RPA1: variants seen among roughly 807,000 people sequenced by gnomAD.
RPA1 encodes the protein replication protein A 70 kDa DNA-binding subunit.
In RPA1, 49 loss-of-function variants were observed where a neutral mutation model predicts 83.0. That is an observed-to-expected ratio of 0.59 (90% CI 0.47 to 0.75). RPA1 has a LOEUF of 0.75. RPA1 is among the 30% of genes least tolerant of loss of function. The pLI is 0.00. For missense variants in RPA1, 693 were observed against 776.1 expected, an observed-to-expected ratio of 0.89 and a Z score of 1.27; for synonymous variants, 279 against 281.8, an observed-to-expected ratio of 0.99 and a Z score of 0.10.
chr17:1,842,199 A>T (rs1912075785), intron 1 of RPA1, among the ~76,000 whole-genome samples: 1 of 152,068 alleles, frequency 6.6e-6, no homozygotes, highest in Admixed American at 6.6e-5. Flanking sequence ...AACATCATAA[A>T]ATGACTTGGA....
intron 4 of RPA1, among the ~76,000 whole-genome samples, chr17:1,852,500 C>G (rs556879863): frequency 6.6e-6 from 1 of 152,152 alleles, no homozygotes; most frequent in Non-Finnish European, 1.5e-5. Context: ...GAGGGACTGT[C>G]CCATGTGGTG....
At chr17:1,864,312 G>A (rs1387957873) in intron 5 of RPA1, among the ~76,000 whole-genome samples, 4 of 152,196 alleles carry the variant, frequency 2.6e-5, no homozygotes, top group Non-Finnish European at 4.4e-5. Context: ...TGAGGTGGGC[G>A]AATCACCTGA....
At chr17:1,892,002 A>G in intron 15 of RPA1, 62 bp downstream of exon 15, 1 of 1,147,266 alleles carries the variant, frequency 8.7e-7, no homozygotes, top group South Asian at 1.6e-5. Flanking sequence ...TATAACACTG[A>G]CCCCACACAT....
At position 1,883,806 on chromosome 17, in the gene RPA1, T is replaced by G; in HGVS notation, c.1242-6T>G. 6.2e-7 allele frequency: 1 copy of G among 1,613,912 alleles called. No individual in the cohort carries two copies. Among genetic ancestry groups the G allele is most frequent in the South Asian group, 1.1e-5 (1 of 91,066 alleles). On this transcript the variant is annotated splice_polypyrimidine_tract_variant and splice_region_variant and intron_variant, in intron 12 of 16. Coordinates refer to ENST00000254719, the MANE Select transcript of RPA1 (RefSeq NM_002945.5). ...GCTCGTCATCGTTATTCGTTCACGTTTTCAGGTTTGACGCAGAAGGACAAG... is the reference window on the plus strand; with the variant it reads ...GCTCGTCATCGTTATTCGTTCACGTGTTCAGGTTTGACGCAGAAGGACAAG...
intron 1 of RPA1, among the ~76,000 whole-genome samples, chr17:1,836,782 C>A: frequency 6.6e-6 from 1 of 151,722 alleles, no homozygotes. Context: ...GCACCTCAGC[C>A]TCCTGAGTAG....
intron 4 of RPA1, among the ~76,000 whole-genome samples, chr17:1,852,377 C>G (rs1476224118): frequency 1.3e-5 from 2 of 152,174 alleles, no homozygotes; most frequent in Non-Finnish European, 1.5e-5. Context: ...AAGGAAGTGT[C>G]TCTTGAAGTG....
intron 1 of RPA1, among the ~76,000 whole-genome samples, chr17:1,840,566 G>A (rs914632333): frequency 6.6e-6 from 1 of 151,938 alleles, no homozygotes; most frequent in South Asian, 2.1e-4. Flanking sequence ...GATTACAGGC[G>A]TGAGCCACCA....
Position 1,898,602 on chromosome 17 carries a change from A to C in RPA1, c.*1427A>C, listed in dbSNP as rs1296364776. On this transcript the variant is annotated 3_prime_UTR_variant, in exon 17 of 17. Transcript: ENST00000254719. The stretch of plus-strand genomic sequence containing the variant: ...CGGAGGCTTTTGGATATGGGGAGTG[A>C]TGGTGTCCTGTCTGTCTCCCCCCTC... 1.3e-5 allele frequency: 2 copies of C among 152,118 alleles called. No homozygotes were observed. Among genetic ancestry groups the C allele is most frequent in the African/African-American group, 4.8e-5 (2 of 41,412 alleles). 9.4% of individuals were successfully genotyped at this position (152,118 alleles called of 1,614,324 possible). A position where few individuals can be genotyped will look rare whatever the true frequency, so the allele number is the denominator to read the frequency against.
intron 5 of RPA1, among the ~76,000 whole-genome samples, chr17:1,856,092 G>A (rs936347099): frequency 1.3e-5 from 2 of 152,068 alleles, no homozygotes; most frequent in African/African-American, 4.8e-5. Context: ...GGGAGAACGA[G>A]GCAAGCCGAT....
chr17:1,860,717 C>A (rs900530223), intron 5 of RPA1, among the ~76,000 whole-genome samples: 8 of 152,084 alleles, frequency 5.3e-5, no homozygotes, highest in African/African-American at 1.9e-4. Context: ...TCAGTTGATC[C>A]CGGCCTCTCC....
Position 1,879,623 on chromosome 17 carries a change from G to T in RPA1, c.1016G>T (p.Arg339Ile), listed in dbSNP as rs1262287245. ...ATKITVRSNN[R>I]EVAKRNIYLM... ...AAAATCACAGTGAGGTCTAACAACAGAGAAGTTGCCAAGAGGAATATCTAC... is the reference window on the plus strand; with the variant it reads ...AAAATCACAGTGAGGTCTAACAACATAGAAGTTGCCAAGAGGAATATCTAC... The change falls in exon 11 of 17, where the codon AGA becomes ATA. Residue 339 changes from arginine (R) to isoleucine (I), a missense_variant. Coordinates refer to ENST00000254719, the MANE Select transcript of RPA1 (RefSeq NM_002945.5). 2.5e-6 allele frequency: 4 copies of T among 1,614,128 alleles called. No individual in the cohort carries two copies. Among genetic ancestry groups the T allele is most frequent in the Non-Finnish European group, 3.4e-6 (4 of 1,180,048 alleles).
chr17:1,854,719 T>G (rs1912623413), intron 5 of RPA1, among the ~76,000 whole-genome samples: 1 of 152,108 alleles, frequency 6.6e-6, no homozygotes, highest in African/African-American at 2.4e-5. Context: ...CTGCAAAAAA[T>G]TAAAAGTGTG....
chr17:1,844,055 C>A, intron 3 of RPA1, 57 bp downstream of exon 3: 1 of 1,486,316 alleles, frequency 6.7e-7, no homozygotes, highest in Non-Finnish European at 9.3e-7. Context: ...AGAAGCACAC[C>A]TGGTCCTTTG....
chr17:1,843,800 G>T (rs138724257), intron 2 of RPA1, 120 bp from the exon 3 acceptor site: 2 of 694,084 alleles, frequency 2.9e-6, no homozygotes, highest in Non-Finnish European at 5.0e-6. Flanking sequence ...TAAGTGTCAA[G>T]AGAATGGGCA....
intron 1 of RPA1, among the ~76,000 whole-genome samples, chr17:1,832,364 C>T (rs1911652186): frequency 6.6e-6 from 1 of 151,992 alleles, no homozygotes; most frequent in African/African-American, 2.4e-5. Context: ...ACCCCAATTC[C>T]TGTTCATTCA....
intron 5 of RPA1, 45 bp from the exon 6 acceptor site, chr17:1,872,389 C>T (rs1343639271): frequency 3.1e-6 from 5 of 1,602,200 alleles, no homozygotes; most frequent in African/African-American, 1.3e-5. Context: ...AATCTCTTAA[C>T]CCAAATCCTT....
intron 5 of RPA1, chr17:1,871,977 G>A (rs1234694025): frequency 6.1e-6 from 1 of 162,846 alleles, no homozygotes; most frequent in Admixed American, 5.7e-5. Context: ...TTTGAAGCAG[G>A]AGCACTTCAG....
chr17:1,889,241 CTGA>C (rs1228513286), intron 14 of RPA1, among the ~76,000 whole-genome samples: 1 of 152,064 alleles, frequency 6.6e-6, no homozygotes, highest in Non-Finnish European at 1.5e-5. Context: ...TGACGGTGTG[CTGA>C]TGTGAGATTG....
At chr17:1,838,598 A>G (rs1911912681) in intron 1 of RPA1, among the ~76,000 whole-genome samples, 1 of 126,440 alleles carries the variant, frequency 7.9e-6, no homozygotes, top group Non-Finnish European at 1.6e-5. Context: ...AGTGAAACTC[A>G]GTCTCAAAAA....
Sources: gnomAD v4.1 joint callset for allele counts (sites outside exome capture counted in the v4.1 genomes callset) on GRCh38, gnomAD v4.1.1 for gene constraint, MANE v1.5 for transcripts, NCBI Gene and HGNC (gene_info 2026-07-23, HGNC 2026-07-21) for gene names.